COL18A1: variants seen among roughly 807,000 people sequenced by gnomAD.
COL18A1 encodes collagen alpha-1(XVIII) chain.
A neutral mutation model predicts 168.0 loss-of-function variants in COL18A1; 133 were observed. That is an observed-to-expected ratio of 0.79 (90% confidence interval 0.69 to 0.91). The LOEUF (loss-of-function observed/expected upper bound fraction) is 0.91. Ranked by LOEUF, COL18A1 falls within the 40% of genes least tolerant of loss-of-function variation. COL18A1 has a pLI of 0.00. For missense variants in COL18A1, 2,126 were observed against 1,925.4 expected, an observed-to-expected ratio of 1.10 and a Z score of -1.95; for synonymous variants, 949 against 809.0, an observed-to-expected ratio of 1.17 and a Z score of -2.94.
At chr21:45,502,233 C>T (rs79301680) in intron 32 of COL18A1, among the ~76,000 whole-genome samples, 1 of 152,198 alleles carries the variant, frequency 6.6e-6, no homozygotes, top group South Asian at 2.1e-4. Context: ...GCCACGTGCT[C>T]CAAAGCTTCT....
chr21:45,496,013 T>C (rs976622389), intron 29 of COL18A1: 1 of 354,148 alleles, frequency 2.8e-6, no homozygotes, highest in South Asian at 2.2e-5. Flanking sequence ...TGTGCACCCA[T>C]ATACACACAT....
chr21:45,472,827 G>C (rs544998721), intron 3 of COL18A1, among the ~76,000 whole-genome samples: 1 of 152,152 alleles, frequency 6.6e-6, no homozygotes, highest in East Asian at 1.9e-4. Context: ...GAGCTCACAC[G>C]CGTGCATACG....
At position 45,493,445 on chromosome 21, in the gene COL18A1, G is replaced by C. The variant is rs565659268; in HGVS notation, c.2278-56G>C. On this transcript the variant is annotated intron_variant, in intron 25 of 41. Transcript: ENST00000651438. ...CGGCCCTGCCTTCGGGGCTCTGGGT[G>C]AGGCTTTGTGGGGAAGGAGCTGGCC... 1.5e-4 allele frequency: 221 copies of C among 1,482,786 alleles called. 1 individual carries two copies. In the African/African-American group the frequency reaches 2.9e-3, roughly 19 times the overall value. 91.9% of individuals were successfully genotyped at this position (1,482,786 alleles called of 1,614,324 possible).
At chr21:45,490,769 T>C (rs943835057) in intron 20 of COL18A1, 67 bp from the exon 21 acceptor site, 8 of 1,484,642 alleles carry the variant, frequency 5.4e-6, no homozygotes, top group Non-Finnish European at 7.4e-6. Context: ...ATCAGAGCCA[T>C]CCCTCACGGG....
At position 45,489,517 on chromosome 21, in the gene COL18A1, C is replaced by T. The variant is rs1436717929; in HGVS notation, c.1955C>T (p.Ala652Val). 10 of 1,599,848 alleles carry T rather than the reference C, an allele frequency of 6.3e-6. No individual in the cohort carries two copies. Among genetic ancestry groups the T allele is most frequent in the Admixed American group, 1.7e-5 (1 of 58,740 alleles). Reference protein sequence around the residue: ...GDPGVPGLPGAKGEVGADGVP... With the variant: ...GDPGVPGLPGVKGEVGADGVP... Reference sequence around the variant, plus strand: ...CCTGGCGTGCCTGGGCTGCCGGGGGCGAAGGTAAGCGCTGTGCCCGGGTTC... The same window carrying T: ...CCTGGCGTGCCTGGGCTGCCGGGGGTGAAGGTAAGCGCTGTGCCCGGGTTC... The change falls in exon 19 of 42, where the codon GCG (alanine) becomes GTG (valine). Residue 652 changes from alanine (A) to valine (V), a missense_variant. Transcript: ENST00000651438.
chr21:45,468,600 C>A lies in COL18A1; in HGVS notation c.465C>A (p.Leu155=). The change falls in exon 3 of 42, where the codon CTC becomes CTA. Residue 155 remains leucine, a synonymous_variant. Transcript: ENST00000651438. ...CCCACACAGCCGCCAGCTTCCGGCT[C>A]CCCGCCTTCGTCGGCCAGTGGACAC... ...GQTHTAASFR[L]PAFVGQWTHL... The A allele has an allele frequency of 1.2e-6, 2 of 1,613,806 alleles. No homozygotes were observed. Among genetic ancestry groups the A allele is most frequent in the Non-Finnish European group, 1.7e-6 (2 of 1,180,028 alleles).
intron 40 of COL18A1, 64 bp from the exon 41 acceptor site, chr21:45,511,047 C>A: frequency 2.3e-6 from 1 of 425,560 alleles, no homozygotes; most frequent in South Asian, 1.7e-5. Context: ...CACCCCCCCA[C>A]AAACACCCAC....
At chr21:45,497,787 G>C in intron 32 of COL18A1, 126 bp downstream of exon 32, 1 of 1,326,748 alleles carries the variant, frequency 7.5e-7, no homozygotes, top group South Asian at 1.3e-5. Flanking sequence ...ACCTCACCCT[G>C]CGGGAGGAAG....
intron 32 of COL18A1, among the ~76,000 whole-genome samples, chr21:45,503,703 G>A (rs1378958880): frequency 3.3e-5 from 5 of 151,228 alleles, no homozygotes; most frequent in Admixed American, 3.3e-4. Context: ...GAGTTAGTGG[G>A]TGCAGCACAC....
Position 45,463,748 on chromosome 21 carries a change from T to C in COL18A1, c.107-4494T>C, listed in dbSNP as rs573866439. Among the ~76,000 whole-genome samples the C allele has an allele frequency of 5.3e-5, 8 of 152,192 alleles. No homozygotes were observed. In the South Asian group the frequency reaches 1.7e-3, roughly 32 times the overall value. Reference sequence around the variant, plus strand: ...CCCCATCTCTACTAACAATACAAAATTAGCTGGGTATGGTGGTGCATGCCT... The same window carrying C: ...CCCCATCTCTACTAACAATACAAAACTAGCTGGGTATGGTGGTGCATGCCT... On this transcript the variant is annotated intron_variant, in intron 2 of 41. Coordinates refer to ENST00000651438, the MANE Select transcript of COL18A1 (RefSeq NM_001379500.1). This position sits in a 1 kb window ranked among gnomAD's most constrained non-coding sequence, Gnocchi z 4.0.
intron 31 of COL18A1, 151 bp downstream of exon 31, chr21:45,497,243 T>C (rs1350957949): frequency 5.7e-6 from 4 of 702,236 alleles, no homozygotes; most frequent in Non-Finnish European, 7.7e-6. Context: ...CCGATGACCT[T>C]GGCCCTTCCT....
chr21:45,467,276 G>A (rs1049480844), intron 2 of COL18A1: 2 of 985,342 alleles, frequency 2.0e-6, no homozygotes, highest in African/African-American at 3.5e-5. Context: ...GCGAGGGATG[G>A]ACAGGGCTCC....
At chr21:45,467,555 C>A in intron 2 of COL18A1, 1 of 595,836 alleles carries the variant, frequency 1.7e-6, no homozygotes, top group Non-Finnish European at 2.1e-6. Context: ...TGACCGACAG[C>A]GCTGGGTGAA....
chr21:45,506,341 C>T (rs544775537), intron 37 of COL18A1: 166 of 357,700 alleles, frequency 4.6e-4, no homozygotes, highest in Admixed American at 7.6e-4. Context: ...GTCCACAGCA[C>T]GGCCCCGGCT....
intron 16 of COL18A1, 22 bp downstream of exon 16, chr21:45,487,014 C>A (rs1400125712): frequency 1.3e-6 from 2 of 1,499,456 alleles, no homozygotes; most frequent in Non-Finnish European, 1.8e-6. Context: ...CTACACCTGA[C>A]CCCCTGGAGA....
rs1413461498 is a variant in COL18A1, at chr21:45,505,738, G to GC, written c.3088-99dup. The GC allele has an allele frequency of 1.2e-5, 12 of 1,000,212 alleles. No individual in the cohort carries two copies. In the South Asian group the frequency reaches 1.7e-4, roughly 14 times the overall value. The allele number at this position is 1,000,212 out of a possible 1,614,324, so 62.0% of individuals were successfully genotyped here. On this transcript the variant is annotated intron_variant, in intron 36 of 41. Transcript: ENST00000651438. ...TCAGTCCACACCTGTCCAAAGCCCT[G>GC]CGGCCCCTGCCCAGCACCCTGAAAC...
At chr21:45,469,562 G>C (rs2035341267) in intron 3 of COL18A1, among the ~76,000 whole-genome samples, 1 of 152,170 alleles carries the variant, frequency 6.6e-6, no homozygotes, top group African/African-American at 2.4e-5. Flanking sequence ...CATTTCTTGG[G>C]GTTGGGGGGG....
At chr21:45,456,656 C>T (rs1163635947) in intron 2 of COL18A1, 15 of 1,534,562 alleles carry the variant, frequency 9.8e-6, no homozygotes, top group Non-Finnish European at 1.1e-5. Flanking sequence ...GTGGGGGGGC[C>T]TGCTGCAGAC....
chr21:45,421,193 C>A (rs540241663), intron 2 of COL18A1: 2 of 356,218 alleles, frequency 5.6e-6, no homozygotes, highest in South Asian at 2.1e-5. Context: ...AGAGAAGGGA[C>A]CTTGGCCAGA....
Sources: allele counts gnomAD v4.1 joint callset (sites outside exome capture counted in the v4.1 genomes callset), GRCh38; gene constraint gnomAD v4.1.1; non-coding constraint Gnocchi (gnomAD v3.1); transcripts MANE v1.5; gene names NCBI Gene and HGNC (gene_info 2026-07-23, HGNC 2026-07-21).